RBFOX1: variants seen among roughly 807,000 people sequenced by gnomAD.
RBFOX1 encodes RNA binding fox-1 homolog 1, also known as RNA binding protein fox-1 homolog 1.
In RBFOX1, 8 loss-of-function variants were observed where a neutral mutation model predicts 57.7. That is an observed-to-expected ratio of 0.14 (90% CI 0.08 to 0.25). The LOEUF (loss-of-function observed/expected upper bound fraction) is 0.25. Ranked by LOEUF, RBFOX1 falls within the 10% of genes least tolerant of loss-of-function variation. The pLI, the probability that RBFOX1 is intolerant of heterozygous loss-of-function variation, is 1.00. For synonymous variants in RBFOX1, 326 were observed against 222.4 expected (o/e 1.47, Z -4.15); for missense variants, 611 against 548.5 (o/e 1.11, Z -1.14).
intron 3 of RBFOX1, among the ~76,000 whole-genome samples, chr16:6,805,178 T>G (rs2086447960): frequency 6.6e-6 from 1 of 151,706 alleles, no homozygotes; most frequent in Non-Finnish European, 1.5e-5. Flanking sequence ...AAAGAAAATG[T>G]GGTACATCTA....
At chr16:6,623,341 G>A (rs896142312) in intron 2 of RBFOX1, among the ~76,000 whole-genome samples, 1 of 152,126 alleles carries the variant, frequency 6.6e-6, no homozygotes, top group Non-Finnish European at 1.5e-5. Context: ...AGAAGGGCCT[G>A]AGAAGGACAG....
chr16:7,503,181 C>T (rs574827707), intron 4 of RBFOX1, among the ~76,000 whole-genome samples: 36 of 152,262 alleles, frequency 2.4e-4, no homozygotes, highest in Non-Finnish European at 4.0e-4. Flanking sequence ...ATTATCCTTT[C>T]GTTAGTGTGA....
intron 2 of RBFOX1, among the ~76,000 whole-genome samples, chr16:5,499,577 A>C (rs572818616): frequency 1.3e-5 from 2 of 151,446 alleles, no homozygotes; most frequent in Non-Finnish European, 2.9e-5. Context: ...CTTTTTTTTT[A>C]AATTTTTTTT....
intron 4 of RBFOX1, among the ~76,000 whole-genome samples, chr16:7,479,035 C>A (rs752923034): frequency 6.6e-6 from 1 of 151,908 alleles, no homozygotes; most frequent in African/African-American, 2.4e-5. Context: ...GAGTTTATCC[C>A]GAATCCACAA....
chr16:5,865,599 C>A (rs556470418), intron 3 of RBFOX1, among the ~76,000 whole-genome samples: 182 of 152,238 alleles, frequency 1.2e-3, no homozygotes, highest in African/African-American at 4.2e-3. Flanking sequence ...AGAGTTGGTG[C>A]CAAAGCCAGG....
intron 2 of RBFOX1, among the ~76,000 whole-genome samples, chr16:5,538,751 C>T (rs1037642543): frequency 9.2e-5 from 14 of 152,026 alleles, no homozygotes; most frequent in Admixed American, 5.2e-4. Context: ...CTTAGACTCC[C>T]GAGTAGCTGG....
At chr16:6,094,952 C>T (rs189959955) in intron 1 of RBFOX1, among the ~76,000 whole-genome samples, 3 of 152,174 alleles carry the variant, frequency 2.0e-5, no homozygotes, top group East Asian at 1.9e-4. Context: ...CCCAGCTACT[C>T]GAGAGGCTGA....
rs376750318 is a variant in RBFOX1 at position 6,449,867 on chromosome 16, GC to G, written c.-64+132811del. On this transcript the variant is annotated intron_variant, in intron 2 of 15. Coordinates refer to ENST00000550418, the MANE Select transcript of RBFOX1 (RefSeq NM_018723.4). ...ATCTGCAGGAAAGTGGATATGAGAG[GC>G]AGTATTCAGGAAGATTTTGAAAAGG... Among the ~76,000 whole-genome samples, 436 of 152,282 alleles carry G rather than the reference GC, an allele frequency of 2.9e-3. 1 individual carries two copies. The highest frequency in any genetic ancestry group is 0.017 in the Middle Eastern group (5 of 294).
intron 1 of RBFOX1, among the ~76,000 whole-genome samples, chr16:6,214,226 C>A (rs1457416533): frequency 6.6e-6 from 1 of 152,256 alleles, no homozygotes; most frequent in East Asian, 1.9e-4. Flanking sequence ...TACCCACCAG[C>A]CCTACATTGA....
At chr16:6,965,218 A>G (rs902061964) in intron 3 of RBFOX1, among the ~76,000 whole-genome samples, 2 of 152,126 alleles carry the variant, frequency 1.3e-5, no homozygotes, top group Admixed American at 1.3e-4. Flanking sequence ...ACTAATGAAA[A>G]GGAAAGCATT....
intron 2 of RBFOX1, among the ~76,000 whole-genome samples, chr16:6,628,910 G>T (rs1197911818): frequency 6.6e-6 from 1 of 152,118 alleles, no homozygotes; most frequent in African/African-American, 2.4e-5. Context: ...TGCGTCTGTA[G>T]TCCCAGCTAC....
intron 1 of RBFOX1, among the ~76,000 whole-genome samples, chr16:5,264,534 C>T (rs1454800251): frequency 3.3e-5 from 5 of 152,062 alleles, no homozygotes; most frequent in South Asian, 2.1e-4. Flanking sequence ...TCCTTTTTGG[C>T]GGATTGTTCT....
chr16:6,852,970 A>C (rs554960787), intron 3 of RBFOX1, among the ~76,000 whole-genome samples: 2 of 152,330 alleles, frequency 1.3e-5, no homozygotes, highest in Admixed American at 1.3e-4. Flanking sequence ...TCAAGAGACC[A>C]TGTGAGCCCA....
chr16:5,420,427 G>C (rs976734097), intron 1 of RBFOX1, among the ~76,000 whole-genome samples: 1 of 151,684 alleles, frequency 6.6e-6, no homozygotes, highest in Admixed American at 6.6e-5. Context: ...GGTTCACACA[G>C]TCACACACAC....
intron 3 of RBFOX1, among the ~76,000 whole-genome samples, chr16:6,838,158 C>G (rs369329486): frequency 2.6e-5 from 4 of 152,208 alleles, no homozygotes; most frequent in Middle Eastern, 3.4e-3. Context: ...AAGTATTTGT[C>G]CTAATGCTCT....
chr16:5,744,618 A>C (rs1005671574), intron 3 of RBFOX1, among the ~76,000 whole-genome samples: 8 of 152,194 alleles, frequency 5.3e-5, no homozygotes, highest in African/African-American at 1.9e-4. Flanking sequence ...GGAGTGGGGA[A>C]GGGAGAGCAA....
intron 1 of RBFOX1, among the ~76,000 whole-genome samples, chr16:6,091,507 A>G (rs1253607550): frequency 1.4e-5 from 2 of 145,862 alleles, no homozygotes; most frequent in African/African-American, 5.3e-5. Flanking sequence ...TTCACTCCTC[A>G]ACTGACTACA....
intron 4 of RBFOX1, among the ~76,000 whole-genome samples, chr16:7,347,099 T>C (rs1238225411): frequency 2.6e-5 from 4 of 152,172 alleles, no homozygotes; most frequent in African/African-American, 7.2e-5. Flanking sequence ...TGGTTCTCAA[T>C]CAGGGGTGAT....
chr16:6,886,724 C>T (rs769241998), intron 3 of RBFOX1, among the ~76,000 whole-genome samples: 2 of 149,980 alleles, frequency 1.3e-5, no homozygotes, highest in Non-Finnish European at 3.0e-5. Flanking sequence ...CACCGCACTC[C>T]AGCGTGGGCA....
Sources: allele counts gnomAD v4.1 joint callset (sites outside exome capture counted in the v4.1 genomes callset), GRCh38; gene constraint gnomAD v4.1.1; transcripts MANE v1.5; gene names NCBI Gene and HGNC (gene_info 2026-07-23, HGNC 2026-07-21).